CDH13: variants seen among roughly 807,000 people sequenced by gnomAD.
CDH13 encodes cadherin 13.
A neutral mutation model predicts 63.8 loss-of-function variants in CDH13; 24 were observed. That is an observed-to-expected ratio of 0.38 (90% CI 0.27 to 0.53). CDH13 has a LOEUF of 0.53. CDH13 is among the 20% of genes least tolerant of loss of function. The probability of loss-of-function intolerance (pLI) is 0.85; values close to 1 mark genes in which losing one functional copy is unlikely to be tolerated. For synonymous variants in CDH13, 503 were observed against 355.3 expected, an observed-to-expected ratio of 1.42 and a Z score of -4.67; for missense variants, 1,049 against 903.1, an observed-to-expected ratio of 1.16 and a Z score of -2.07.
intron 1 of CDH13, among the ~76,000 whole-genome samples, chr16:82,857,459 C>A (rs764274777): frequency 6.6e-6 from 1 of 152,120 alleles, no homozygotes; most frequent in African/African-American, 2.4e-5. Flanking sequence ...GGCCTTATAG[C>A]CTTTGCGTAC....
intron 5 of CDH13, among the ~76,000 whole-genome samples, chr16:83,241,763 G>A (rs1904474757): frequency 6.6e-6 from 1 of 152,256 alleles, no homozygotes; most frequent in South Asian, 2.1e-4. Context: ...GTCTTGCAAA[G>A]ATTTTCTCCT....
At chr16:83,448,306 A>ACAC (rs1483323194) in intron 6 of CDH13, among the ~76,000 whole-genome samples, 3 of 152,300 alleles carry the variant, frequency 2.0e-5, no homozygotes, top group South Asian at 2.1e-4. Context: ...AGGCATGCAG[A>ACAC]CACCATCATG....
intron 4 of CDH13, among the ~76,000 whole-genome samples, chr16:83,137,913 T>C (rs2036366882): frequency 6.6e-6 from 1 of 152,114 alleles, no homozygotes; most frequent in South Asian, 2.1e-4. Flanking sequence ...AGAACTTCTT[T>C]TATTTTCTTT....
intron 3 of CDH13, among the ~76,000 whole-genome samples, chr16:83,068,027 A>T (rs1359891735): frequency 6.6e-6 from 1 of 152,176 alleles, no homozygotes; most frequent in Admixed American, 6.5e-5. Context: ...CAATCCTCCC[A>T]GCTCCTCTAT....
At chr16:82,997,644 G>T (rs1003031295) in intron 2 of CDH13, among the ~76,000 whole-genome samples, 1 of 152,048 alleles carries the variant, frequency 6.6e-6, no homozygotes, top group African/African-American at 2.4e-5. Context: ...TCTTATCCCT[G>T]TTCTATAGGT....
intron 3 of CDH13, among the ~76,000 whole-genome samples, chr16:83,118,157 T>TG (rs992676828): frequency 1.3e-5 from 2 of 152,030 alleles, no homozygotes; most frequent in African/African-American, 2.4e-5. Flanking sequence ...GAGACTGCTG[T>TG]GGGGGGAATC....
intron 7 of CDH13, among the ~76,000 whole-genome samples, chr16:83,580,901 G>T (rs1055329325): frequency 6.6e-6 from 1 of 152,174 alleles, no homozygotes; most frequent in African/African-American, 2.4e-5. Flanking sequence ...CCAAATGTTT[G>T]GTTGGTTGCT....
chr16:83,233,560 A>G (rs1281095501), intron 5 of CDH13, among the ~76,000 whole-genome samples: 1 of 152,182 alleles, frequency 6.6e-6, no homozygotes, highest in Non-Finnish European at 1.5e-5. Flanking sequence ...TTCTTCTGGA[A>G]GGGAGCATCA....
rs1597266850 is a variant in CDH13, at chr16:83,069,303, T to G, written c.366+37085T>G. Among the ~76,000 whole-genome samples the G allele has an allele frequency of 2.0e-5, 3 of 152,316 alleles. No individual in the cohort carries two copies. In the East Asian group the frequency reaches 5.8e-4, roughly 29 times the overall value. On this transcript the variant is annotated intron_variant, in intron 3 of 13. Coordinates refer to ENST00000567109, the MANE Select transcript of CDH13 (RefSeq NM_001257.5). ...GGGCTCTTTAGTGGAACTGTGGCACTCTTTAGTGGAAATGTGAGTTTCAGA... is the reference window on the plus strand; with the variant it reads ...GGGCTCTTTAGTGGAACTGTGGCACGCTTTAGTGGAAATGTGAGTTTCAGA...
At chr16:82,923,567 A>G (rs2151284280) in intron 2 of CDH13, among the ~76,000 whole-genome samples, 1 of 152,208 alleles carries the variant, frequency 6.6e-6, no homozygotes, top group African/African-American at 2.4e-5. Context: ...CATCAGACAA[A>G]CCATAGTTTC....
intron 5 of CDH13, among the ~76,000 whole-genome samples, chr16:83,227,131 C>T (rs2039864606): frequency 6.6e-6 from 1 of 152,124 alleles, no homozygotes; most frequent in Non-Finnish European, 1.5e-5. Flanking sequence ...AAAGTGAAGG[C>T]CAGAAGCTAA....
chr16:83,196,037 CCT>C (rs2038868975), intron 4 of CDH13, among the ~76,000 whole-genome samples: 4 of 152,266 alleles, frequency 2.6e-5, no homozygotes, highest in Admixed American at 2.0e-4. Context: ...AGGCGGATCA[CCT>C]GAGGTCACAA....
chr16:82,650,035 G>A (rs1910544316), intron 1 of CDH13, among the ~76,000 whole-genome samples: 1 of 152,194 alleles, frequency 6.6e-6, no homozygotes, highest in Non-Finnish European at 1.5e-5. Context: ...CAAAGCTATA[G>A]ATTAAGAAAC....
intron 10 of CDH13, among the ~76,000 whole-genome samples, chr16:83,702,158 C>A (rs779459206): frequency 6.6e-6 from 1 of 152,114 alleles, no homozygotes. Flanking sequence ...GGGTGTAATA[C>A]AAAAATCTGA....
chr16:83,071,690 G>A (rs1386545650), intron 3 of CDH13, among the ~76,000 whole-genome samples: 1 of 152,166 alleles, frequency 6.6e-6, no homozygotes, highest in Non-Finnish European at 1.5e-5. Flanking sequence ...ACATAGAAAA[G>A]TAAGTTGATA....
Position 82,688,676 on chromosome 16 carries a change from C to T in CDH13, c.45+61539C>T, listed in dbSNP as rs147302086. Among the ~76,000 whole-genome samples, 315 of 152,070 alleles carry T rather than the reference C, an allele frequency of 2.1e-3. 1 individual carries two copies. Among genetic ancestry groups the T allele is most frequent in the Non-Finnish European group, 3.3e-3 (226 of 67,986 alleles). On this transcript the variant is annotated intron_variant, in intron 1 of 13. Coordinates refer to ENST00000567109, the MANE Select transcript of CDH13 (RefSeq NM_001257.5). ...TTGTTTGTAACAAGAAATAAAGATC[C>T]GAGGATGATCAAGTGAGCATTCAAT...
intron 2 of CDH13, among the ~76,000 whole-genome samples, chr16:82,926,285 A>C (rs904930925): frequency 2.2e-5 from 3 of 136,504 alleles, no homozygotes; most frequent in Admixed American, 1.4e-4. Flanking sequence ...CGTTATTTCC[A>C]AAAAAAAAAA....
intron 4 of CDH13, among the ~76,000 whole-genome samples, chr16:83,172,046 C>T (rs971058024): frequency 6.6e-6 from 1 of 152,108 alleles, no homozygotes; most frequent in Non-Finnish European, 1.5e-5. Context: ...CCCAGTAATT[C>T]AGAGTGTGAC....
chr16:82,824,421 T>C (rs1389956877), intron 1 of CDH13: 2 of 152,076 alleles, frequency 1.3e-5, no homozygotes, highest in African/African-American at 4.8e-5. Flanking sequence ...AACGAAAAAA[T>C]GGCAGAATTA....
Sources: allele counts gnomAD v4.1 joint callset (sites outside exome capture counted in the v4.1 genomes callset), GRCh38; gene constraint gnomAD v4.1.1; transcripts MANE v1.5; gene names NCBI Gene and HGNC (gene_info 2026-07-23, HGNC 2026-07-21).